The following CPQ variants were observed in gnomAD, a reference collection of about 807,000 sequenced individuals.
CPQ encodes the protein carboxypeptidase Q, also known as Ser-Met dipeptidase.
A neutral mutation model predicts 45.7 loss-of-function variants in CPQ; 37 were observed. That is an observed-to-expected ratio of 0.81 (90% CI 0.62 to 1.07). The LOEUF is 1.07. Ranked by LOEUF, CPQ falls within the 50% of genes least tolerant of loss-of-function variation. The probability of loss-of-function intolerance (pLI) is 0.00; values close to 1 mark genes in which losing one functional copy is unlikely to be tolerated. For synonymous variants in CPQ, 186 were observed against 205.8 expected (o/e 0.90, Z 0.82); for missense variants, 537 against 572.9 (o/e 0.94, Z 0.64).
At chr8:97,049,258 A>G (rs982238992) in intron 6 of CPQ, among the ~76,000 whole-genome samples, 1 of 152,160 alleles carries the variant, frequency 6.6e-6, no homozygotes, top group Non-Finnish European at 1.5e-5. Flanking sequence ...TATGTGTATA[A>G]TACACCTCCT....
Position 96,685,133 on chromosome 8 carries a change from A to AAAT in CPQ, c.-35+39733_-35+39734insTAA, listed in dbSNP as rs1809209017. Among the ~76,000 whole-genome samples the AAAT allele has an allele frequency of 6.7e-5, 5 of 74,650 alleles. No homozygotes were observed. In the South Asian group the frequency reaches 1.9e-3, roughly 28 times the overall value. The allele number at this position is 74,650 out of a possible 152,430, so 49.0% of individuals were successfully genotyped here. A position where few individuals can be genotyped will look rare whatever the true frequency, so the allele number is the denominator to read the frequency against. On this transcript the variant is annotated intron_variant, in intron 1 of 7. Transcript: ENST00000220763. ...AACAAACAAACAACAAAAAAACAAA[A>AAAT]AACAAAAAACAGAGTTAGCTCAGTG...
intron 5 of CPQ, among the ~76,000 whole-genome samples, chr8:96,988,177 A>C (rs989232267): frequency 3.3e-5 from 5 of 152,174 alleles, no homozygotes; most frequent in East Asian, 1.9e-4. Flanking sequence ...GGCAGTTTTT[A>C]CATGCTCTTT....
chr8:97,117,405 A>G (rs1054849481), intron 7 of CPQ, among the ~76,000 whole-genome samples: 2 of 152,184 alleles, frequency 1.3e-5, no homozygotes, highest in African/African-American at 4.8e-5. Context: ...AAAGTTCTAT[A>G]TTCTAGGAAA....
chr8:97,046,167 T>C (rs992892607), intron 6 of CPQ, among the ~76,000 whole-genome samples: 2 of 152,224 alleles, frequency 1.3e-5, no homozygotes, highest in South Asian at 2.1e-4. Context: ...GATTTCCTTA[T>C]CAATTGGGTC....
intron 2 of CPQ, among the ~76,000 whole-genome samples, chr8:96,811,301 A>G (rs777147397): frequency 1.6e-4 from 24 of 152,150 alleles, no homozygotes; most frequent in Admixed American, 6.5e-4. Flanking sequence ...TGGAGTCTAT[A>G]CCTTATTTGT....
intron 4 of CPQ, among the ~76,000 whole-genome samples, chr8:96,889,840 G>T (rs1003695559): frequency 1.3e-5 from 2 of 152,168 alleles, no homozygotes; most frequent in African/African-American, 4.8e-5. Context: ...AGCCTCACTG[G>T]CCATTGCTTA....
At chr8:96,989,443 G>A (rs534201509) in intron 5 of CPQ, among the ~76,000 whole-genome samples, 12 of 137,578 alleles carry the variant, frequency 8.7e-5, no homozygotes, top group African/African-American at 3.2e-4. Context: ...AAGGGGAGGG[G>A]AGGGGAGGGG....
At chr8:96,730,968 A>T (rs1329654008) in intron 1 of CPQ, among the ~76,000 whole-genome samples, 1 of 150,372 alleles carries the variant, frequency 6.7e-6, no homozygotes, top group Non-Finnish European at 1.5e-5. Context: ...TGCATAAAAA[A>T]GATTAAAGTG....
chr8:96,861,911 G>T (rs942437902), intron 3 of CPQ, among the ~76,000 whole-genome samples: 1 of 152,102 alleles, frequency 6.6e-6, no homozygotes, highest in African/African-American at 2.4e-5. Flanking sequence ...GTGGATACAG[G>T]TAGAGGGAGA....
chr8:96,791,900 T>A (rs1426503779), intron 2 of CPQ, among the ~76,000 whole-genome samples: 1 of 152,122 alleles, frequency 6.6e-6, no homozygotes, highest in Non-Finnish European at 1.5e-5. Context: ...ATCTGTAAGG[T>A]CTCCTCTAGA....
At chr8:96,771,006 A>G (rs2130798262) in intron 1 of CPQ, among the ~76,000 whole-genome samples, 1 of 148,278 alleles carries the variant, frequency 6.7e-6, no homozygotes, top group East Asian at 2.0e-4. Flanking sequence ...TAACAAAGAG[A>G]ACATATTGGA....
At chr8:96,764,131 C>G (rs1810439331) in intron 1 of CPQ, among the ~76,000 whole-genome samples, 1 of 152,050 alleles carries the variant, frequency 6.6e-6, no homozygotes, top group African/African-American at 2.4e-5. Context: ...GGAAGCAACC[C>G]AAATCTCCAT....
At chr8:97,078,763 TTCTCTCTCTCTCTCTCTCTCTC>T (rs749278181) in intron 7 of CPQ, among the ~76,000 whole-genome samples, 1 of 100,292 alleles carries the variant, frequency 1.0e-5, no homozygotes, top group African/African-American at 3.6e-5. Context: ...TCATTTCCAT[TTCTCTCTCTCTCTCTCTCTCTC>T]TCTCTCTCTC....
intron 7 of CPQ, among the ~76,000 whole-genome samples, chr8:97,099,142 T>TTC (rs1356649967): frequency 1.4e-5 from 2 of 139,894 alleles, no homozygotes; most frequent in Non-Finnish European, 1.5e-5. Context: ...TTTTTTTTTT[T>TTC]GTGATGAAGT....
intron 5 of CPQ, among the ~76,000 whole-genome samples, chr8:97,010,333 A>T (rs1488694510): frequency 6.6e-6 from 1 of 152,184 alleles, no homozygotes; most frequent in Admixed American, 6.5e-5. Context: ...AATATAAAAA[A>T]TCTGGATTCA....
chr8:97,019,321 C>CA (rs1196667863), intron 5 of CPQ, among the ~76,000 whole-genome samples: 1 of 151,918 alleles, frequency 6.6e-6, no homozygotes, highest in South Asian at 2.1e-4. Flanking sequence ...AAACAAAAAG[C>CA]AAAAAACCAA....
At position 96,835,099 on chromosome 8, in the gene CPQ, G is replaced by A. The variant is rs781123766; in HGVS notation, c.560G>A (p.Arg187Gln). 6.3e-5 allele frequency: 100 copies of A among 1,599,810 alleles called. No individual in the cohort carries two copies. The East Asian group carries it at 1.5e-3, about 25-fold the overall frequency. ...YINYSRTVQY[R>Q]TQGAVEAAKV... Reference sequence around the variant, plus strand: ...AACTACTCAAGGACGGTGCAATACCGAACGCAGGGGGCGGTGGAAGCTGCC... The same window carrying A: ...AACTACTCAAGGACGGTGCAATACCAAACGCAGGGGGCGGTGGAAGCTGCC... Residue 187 changes from arginine to glutamine, a missense_variant, in exon 3 of 8, where the codon CGA (arginine) becomes CAA (glutamine). Physicochemically the swap from Arg to Gln is conservative, Grantham distance 43. Coordinates refer to ENST00000220763, the MANE Select transcript of CPQ (RefSeq NM_016134.4).
intron 6 of CPQ, among the ~76,000 whole-genome samples, chr8:97,040,556 C>T (rs1262443986): frequency 2.0e-5 from 3 of 152,204 alleles, no homozygotes; most frequent in East Asian, 3.8e-4. Context: ...GAAGGCCTTG[C>T]CCATGCCTAT....
At chr8:97,013,831 G>A (rs1809533041) in intron 5 of CPQ, among the ~76,000 whole-genome samples, 1 of 152,128 alleles carries the variant, frequency 6.6e-6, no homozygotes, top group African/African-American at 2.4e-5. Context: ...CCAAAGTTAG[G>A]AAGTGTGTAG....
Sources: allele counts gnomAD v4.1 joint callset (sites outside exome capture counted in the v4.1 genomes callset), GRCh38; gene constraint gnomAD v4.1.1; transcripts MANE v1.5; gene names NCBI Gene and HGNC (gene_info 2026-07-23, HGNC 2026-07-21).